The following KDM4B variants were observed in gnomAD, a reference collection of about 807,000 sequenced individuals.
KDM4B encodes the protein lysine-specific demethylase 4B.
Under a neutral mutation model 125.2 loss-of-function variants are expected in KDM4B, and 32 were observed. The observed-to-expected ratio is 0.26, with a 90% CI of 0.19 to 0.34. KDM4B has a LOEUF of 0.34. Ranked by LOEUF, KDM4B falls within the 10% of genes least tolerant of loss-of-function variation. KDM4B has a pLI of 1.00. For synonymous variants in KDM4B, 721 were observed against 677.9 expected, an observed-to-expected ratio of 1.06 and a Z score of -0.99; for missense variants, 1,190 against 1,577.7, an observed-to-expected ratio of 0.75 and a Z score of 4.16.
At position 5,151,608 on chromosome 19, in the gene KDM4B, C is replaced by T. The variant is rs1251082241; in HGVS notation, c.*97C>T. 3 of 1,118,100 alleles carry T rather than the reference C, an allele frequency of 2.7e-6. No individual in the cohort carries two copies. Among genetic ancestry groups the T allele is most frequent in the Middle Eastern group, 3.3e-4 (1 of 3,054 alleles). 69.3% of individuals were successfully genotyped at this position (1,118,100 alleles called of 1,614,324 possible). ...TGAATTCCTGTCCTCGTGTCCCCGA[C>T]CCCCGAGAGGCCACCTCCAAGCCGC... On this transcript the variant is annotated 3_prime_UTR_variant, in exon 23 of 23. Coordinates refer to ENST00000159111, the MANE Select transcript of KDM4B (RefSeq NM_015015.3).
intron 1 of KDM4B, among the ~76,000 whole-genome samples, chr19:5,010,465 T>C (rs2035693107): frequency 6.6e-6 from 1 of 152,194 alleles, no homozygotes; most frequent in Non-Finnish European, 1.5e-5. Flanking sequence ...CCTGTGAACA[T>C]GTCCTGTTCC....
In KDM4B at chr19:5,110,639, C is replaced by T. The variant is rs770167701; in HGVS notation, c.936C>T (p.Asp312=). 2 of 1,612,916 alleles carry T rather than the reference C, an allele frequency of 1.2e-6. No homozygotes were observed. Among genetic ancestry groups the T allele is most frequent in the Non-Finnish European group, 1.7e-6 (2 of 1,179,904 alleles). ...TGCCGCAGTGCACGTGCCGGAAGGACATGGTCAAGATCTCCATGGACGTGT... is the reference window on the plus strand; with the variant it reads ...TGCCGCAGTGCACGTGCCGGAAGGATATGGTCAAGATCTCCATGGACGTGT... ...KVATQCTCRK[D]MVKISMDVFV... is the part of the protein sequence containing the mutation. Residue 312 remains aspartate, a synonymous_variant, in exon 10 of 23, where the codon GAC becomes GAT. Coordinates refer to ENST00000159111, the MANE Select transcript of KDM4B (RefSeq NM_015015.3).
At chr19:5,057,945 C>T (rs1568264869) in intron 6 of KDM4B, among the ~76,000 whole-genome samples, 1 of 152,204 alleles carries the variant, frequency 6.6e-6, no homozygotes, top group Non-Finnish European at 1.5e-5. Flanking sequence ...GTGTGGTGTC[C>T]AAGGTCGCCC....
At chr19:5,053,960 G>C (rs2037313292) in intron 6 of KDM4B, among the ~76,000 whole-genome samples, 1 of 152,260 alleles carries the variant, frequency 6.6e-6, no homozygotes, top group Admixed American at 6.5e-5. Flanking sequence ...GGGCAGGCAG[G>C]AAGCTCCTTC....
At chr19:4,977,746 G>C (rs1045818261) in intron 1 of KDM4B, among the ~76,000 whole-genome samples, 7 of 152,142 alleles carry the variant, frequency 4.6e-5, no homozygotes, top group Non-Finnish European at 8.8e-5. Flanking sequence ...GATGGAAATG[G>C]GCTGTGCCCT....
At chr19:5,069,122 CA>C (rs1182333310) in intron 6 of KDM4B, among the ~76,000 whole-genome samples, 2 of 152,204 alleles carry the variant, frequency 1.3e-5, no homozygotes, top group Non-Finnish European at 2.9e-5. Flanking sequence ...AAGAGGAATG[CA>C]CCCCTGTCTA....
chr19:4,982,207 G>A (rs907517495), intron 1 of KDM4B, among the ~76,000 whole-genome samples: 4 of 151,786 alleles, frequency 2.6e-5, no homozygotes, highest in African/African-American at 2.4e-5. Flanking sequence ...CAGGAGAATC[G>A]CTTGAACCTG....
At chr19:5,101,288 T>C (rs1286883298) in intron 9 of KDM4B, among the ~76,000 whole-genome samples, 1 of 150,230 alleles carries the variant, frequency 6.7e-6, no homozygotes, top group East Asian at 1.9e-4. Context: ...TTTTTTTTGA[T>C]AGTTTATTTT....
chr19:5,040,268 C>T (rs775681092), intron 4 of KDM4B, among the ~76,000 whole-genome samples: 5 of 152,146 alleles, frequency 3.3e-5, no homozygotes, highest in South Asian at 2.1e-4. Context: ...TCCTGGTCCC[C>T]GGCCTGGGAG....
At chr19:4,969,357 G>A (rs1356045104) in intron 1 of KDM4B, 127 bp downstream of exon 1, 5 of 145,834 alleles carry the variant, frequency 3.4e-5, no homozygotes, top group African/African-American at 1.2e-4. Context: ...GGCGCGGCCT[G>A]CTCGGGCCGG....
chr19:5,079,339 G>A (rs988194882), intron 8 of KDM4B, among the ~76,000 whole-genome samples: 3 of 152,220 alleles, frequency 2.0e-5, no homozygotes, highest in African/African-American at 7.2e-5. Flanking sequence ...AATGTTGACA[G>A]CAGTGACACA....
intron 2 of KDM4B, among the ~76,000 whole-genome samples, chr19:5,018,954 C>T (rs1484222247): frequency 6.6e-6 from 1 of 152,258 alleles, no homozygotes; most frequent in African/African-American, 2.4e-5. Flanking sequence ...ACCTGCTCCC[C>T]TGCTGATGGG....
chr19:5,127,811 C>T (rs2039474326), intron 11 of KDM4B, among the ~76,000 whole-genome samples: 2 of 152,186 alleles, frequency 1.3e-5, no homozygotes, highest in Non-Finnish European at 2.9e-5. Context: ...CCCACCCAGC[C>T]TTGCCTCCCG....
chr19:5,012,959 G>T (rs549111137), intron 1 of KDM4B, among the ~76,000 whole-genome samples: 6 of 152,360 alleles, frequency 3.9e-5, no homozygotes, highest in African/African-American at 1.2e-4. Flanking sequence ...GGCAGTGGAG[G>T]CAGGCTAGCC....
At chr19:5,008,494 T>C (rs2035628543) in intron 1 of KDM4B, among the ~76,000 whole-genome samples, 1 of 152,144 alleles carries the variant, frequency 6.6e-6, no homozygotes. Context: ...CATTAACATA[T>C]AGAGACCCAG....
chr19:5,051,107 A>C (rs890520537), intron 6 of KDM4B, among the ~76,000 whole-genome samples: 3 of 152,070 alleles, frequency 2.0e-5, no homozygotes, highest in Non-Finnish European at 4.4e-5. Flanking sequence ...CACGAGGCTG[A>C]GCGCAGTGTC....
intron 7 of KDM4B, chr19:5,074,468 A>G (rs1317853216): frequency 6.6e-6 from 1 of 152,272 alleles, no homozygotes; most frequent in Non-Finnish European, 1.5e-5. Context: ...TGTGGAGCCT[A>G]TGGAGAGAGC....
chr19:5,131,324 C>T lies in KDM4B; in HGVS notation c.1564C>T (p.Pro522Ser). ...GCCCAGTGAGGAGCTAGAGGCCAAG[C>T]CTCGGCCCATCATCCCCATGCTGTA... ...EVPSEELEAK[P>S]RPIIPMLYVV... Residue 522 changes from proline to serine, a missense_variant, in exon 12 of 23, where the codon CCT (proline) becomes TCT (serine). By Grantham distance (74) the Pro-to-Ser change is moderately conservative (BLOSUM62 -1). Coordinates refer to ENST00000159111, the MANE Select transcript of KDM4B (RefSeq NM_015015.3). 6.2e-7 allele frequency: 1 copy of T among 1,612,276 alleles called. No individual in the cohort carries two copies. The highest frequency in any genetic ancestry group is 2.2e-5 in the East Asian group (1 of 44,750).
intron 7 of KDM4B, among the ~76,000 whole-genome samples, chr19:5,072,451 C>T (rs2037978705): frequency 6.6e-6 from 1 of 152,168 alleles, no homozygotes; most frequent in Non-Finnish European, 1.5e-5. Context: ...GAAACCTGGA[C>T]CCCTTTCTTA....
Sources: allele counts gnomAD v4.1 joint callset (sites outside exome capture counted in the v4.1 genomes callset), GRCh38; gene constraint gnomAD v4.1.1; transcripts MANE v1.5; gene names NCBI Gene and HGNC (gene_info 2026-07-23, HGNC 2026-07-21).